The following REN variants were observed in gnomAD, a reference collection of about 807,000 sequenced individuals.
The protein encoded by REN is angiotensin-forming enzyme.
Under a neutral mutation model 48.6 loss-of-function variants are expected in REN, and 42 were observed. That is an observed-to-expected ratio of 0.86 (90% CI 0.68 to 1.12). The LOEUF is 1.12. Among genes scored for constraint, REN ranks in the 50% most tolerant of loss-of-function variants. REN has a pLI of 0.00. For synonymous variants in REN, 196 were observed against 204.6 expected (o/e 0.96, Z 0.36); for missense variants, 443 against 527.3 (o/e 0.84, Z 1.57).
At chr1:204,157,133 G>C (rs1658164436) in intron 6 of REN, among the ~76,000 whole-genome samples, 1 of 152,308 alleles carries the variant, frequency 6.6e-6, no homozygotes, top group Middle Eastern at 3.4e-3. Context: ...CTCACTCTTG[G>C]GTTGCTGCTG....
At chr1:204,159,687 A>ATGTGTG in intron 4 of REN, 92 bp from the exon 5 acceptor site, 1 of 1,078,552 alleles carries the variant, frequency 9.3e-7, no homozygotes, top group Non-Finnish European at 1.4e-6. Flanking sequence ...TCCCAGGGGC[A>ATGTGTG]CACATGCTCC....
intron 5 of REN, among the ~76,000 whole-genome samples, chr1:204,158,528 C>T (rs1364957588): frequency 2.0e-5 from 3 of 150,912 alleles, no homozygotes; most frequent in South Asian, 2.1e-4. Context: ...GCGATCCTCT[C>T]GCCTTGGCCT....
At position 204,156,153 on chromosome 1, in the gene REN, G is replaced by A. The variant is rs761311426; in HGVS notation, c.960+25C>T. On this transcript the variant is annotated intron_variant, in intron 8 of 9. Coordinates refer to ENST00000272190, the MANE Select transcript of REN (RefSeq NM_000537.4). This position sits in a 1 kb window ranked among gnomAD's most constrained non-coding sequence, Gnocchi z 4.2. ...CCAGGTGGCGCTCCCCCCACCCACA[G>A]CACCTTCCCTCTTTGGCTTCTTACA... The A allele has an allele frequency of 2.5e-5, 40 of 1,614,010 alleles. No individual in the cohort carries two copies. The South Asian group carries it at 4.1e-4, about 16-fold the overall frequency.
rs566340707 is a variant in REN, at chr1:204,161,943, G to A, written c.249+70C>T. The A allele has an allele frequency of 5.7e-5, 91 of 1,585,540 alleles. No homozygotes were observed. In the South Asian group the frequency reaches 9.6e-4, roughly 17 times the overall value. On this transcript the variant is annotated intron_variant, in intron 2 of 9. Transcript: ENST00000272190. ...CAGCTTGGAAAGGGTGAGTCTTGCA[G>A]CAAAGAAAGCCCTAGGTCCATGAGG...
chr1:204,161,259 T>TGGA (rs754253666), intron 3 of REN, 33 bp downstream of exon 3: 124 of 1,564,308 alleles, frequency 7.9e-5, no homozygotes, highest in Middle Eastern at 1.7e-4. Flanking sequence ...GGCAGGGGGA[T>TGGA]GGAGGAGAGG....
chr1:204,165,359 T>C (rs1366460357), intron 1 of REN, among the ~76,000 whole-genome samples: 1 of 152,196 alleles, frequency 6.6e-6, no homozygotes, highest in Non-Finnish European at 1.5e-5. Context: ...CTATGCCTTA[T>C]CTCCTAAAAT....
At position 204,156,373 on chromosome 1, in the gene REN, G is replaced by A. The variant is rs1302341081; in HGVS notation, c.819-54C>T. Reference sequence around the variant, plus strand: ...ACAGACAGACAGACAGAAGGCTGATGGGGCACCTCCAGGCTGCATGTCCTT... The same window carrying A: ...ACAGACAGACAGACAGAAGGCTGATAGGGCACCTCCAGGCTGCATGTCCTT... On this transcript the variant is annotated intron_variant, in intron 7 of 9. Transcript: ENST00000272190. This position sits in a 1 kb window ranked among gnomAD's most constrained non-coding sequence, Gnocchi z 4.2. 3.6e-6 allele frequency: 5 copies of A among 1,401,510 alleles called. No individual in the cohort carries two copies. Among genetic ancestry groups the A allele is most frequent in the Non-Finnish European group, 3.9e-6 (4 of 1,020,676 alleles). 86.8% of individuals were successfully genotyped at this position (1,401,510 alleles called of 1,614,324 possible). A position where few individuals can be genotyped will look rare whatever the true frequency, so the allele number is the denominator to read the frequency against.
Position 204,155,923 on chromosome 1 carries a change from G to A in REN, c.961-5C>T, listed in dbSNP as rs186717113. The A allele has an allele frequency of 1.2e-6, 2 of 1,610,714 alleles. No homozygotes were observed. The highest frequency in any genetic ancestry group is 2.7e-5 in the African/African-American group (2 of 74,840). ...CTCGTTACACTTCACGACATACTGG[G>A]GTGGGGGGCAAAGAGAGCCTTCTTG... On this transcript the variant is annotated splice_polypyrimidine_tract_variant and splice_region_variant and intron_variant, in intron 8 of 9. Coordinates refer to ENST00000272190, the MANE Select transcript of REN (RefSeq NM_000537.4).
Position 204,159,482 on chromosome 1 carries a change from G to A in REN, c.606C>T (p.Ala202=), listed in dbSNP as rs779774906. ...CGAAGATAGGGGTGACCCTGCCAAT[G>A]GCCTGTTCAATGAAGCCCATGCCCA... ...GVVGMGFIEQ[A]IGRVTPIFDN... is the part of the protein sequence containing the mutation. The change falls in exon 5 of 10, where the codon GCC becomes GCT. Residue 202 remains alanine, a synonymous_variant. Transcript: ENST00000272190. The A allele has an allele frequency of 3.7e-6, 6 of 1,614,034 alleles. No individual in the cohort carries two copies. The highest frequency in any genetic ancestry group is 1.3e-5 in the African/African-American group (1 of 74,912).
At chr1:204,161,694 G>T (rs889426101) in intron 2 of REN, among the ~76,000 whole-genome samples, 5 of 152,100 alleles carry the variant, frequency 3.3e-5, no homozygotes, top group African/African-American at 1.2e-4. Context: ...GGGGCAGGAA[G>T]CCATCAGGTT....
chr1:204,161,104 A>G (rs540716377), intron 3 of REN, among the ~76,000 whole-genome samples, 188 bp downstream of exon 3: 9 of 151,642 alleles, frequency 5.9e-5, no homozygotes, highest in African/African-American at 2.2e-4. Flanking sequence ...TTTGTTTTTA[A>G]CCTTGGTGGC....
intron 1 of REN, 110 bp downstream of exon 1, chr1:204,166,086 T>C: frequency 1.1e-6 from 1 of 884,398 alleles, no homozygotes. Flanking sequence ...TACTTCCCTG[T>C]CCAGCTGATC....
intron 6 of REN, 102 bp downstream of exon 6, chr1:204,157,259 G>T: frequency 6.7e-7 from 1 of 1,482,568 alleles, no homozygotes; most frequent in Admixed American, 1.7e-5. Context: ...CGGAGGCTGG[G>T]CTTGCTGATG....
rs1238980420 is a variant in REN at position 204,156,208 on chromosome 1, C to G, written c.930G>C (p.Glu310Asp). ...GSTSSIEKLM[E>D]ALGAKKRLFD... is the part of the protein sequence containing the mutation. ...ACAGCCTCTTCTTGGCTCCCAAGGC[C>G]TCCATGAGCTTCTCTATGGAGCTGG... is the stretch of plus-strand genomic sequence containing the variant. Residue 310 changes from glutamate (E) to aspartate (D), a missense_variant, in exon 8 of 10, where the codon GAG becomes GAC. Physicochemically the swap from Glu to Asp is conservative, Grantham distance 45 (BLOSUM62 2). Coordinates refer to ENST00000272190, the MANE Select transcript of REN (RefSeq NM_000537.4). The surrounding 1 kb of genome is among the most constrained non-coding windows in gnomAD (Gnocchi z 4.2). 6.2e-7 allele frequency: 1 copy of G among 1,614,260 alleles called. No individual in the cohort carries two copies. The highest frequency in any genetic ancestry group is 1.3e-5 in the African/African-American group (1 of 75,066).
chr1:204,155,080 A>G lies in REN; in HGVS notation c.1157T>C (p.Ile386Thr), dbSNP rs759852484. 12 of 1,613,932 alleles carry G rather than the reference A, an allele frequency of 7.4e-6. No homozygotes were observed. The highest frequency in any genetic ancestry group is 3.3e-5 in the Admixed American group (2 of 60,006). Residue 386 changes from isoleucine to threonine, a missense_variant, in exon 10 of 10, where the codon ATC becomes ACC. By Grantham distance (89) the Ile-to-Thr change is moderately conservative (BLOSUM62 -1). Transcript: ENST00000272190. ...GPTWALGATF[I>T]RKFYTEFDRR... is the part of the protein sequence containing the mutation. ...ATCAAACTCTGTGTAGAACTTTCGG[A>G]TGAAGGTGGCCCCCAGGGCCCAGGT...
intron 5 of REN, among the ~76,000 whole-genome samples, chr1:204,158,867 C>A (rs1056756013): frequency 3.9e-5 from 6 of 152,202 alleles, no homozygotes; most frequent in Non-Finnish European, 8.8e-5. Flanking sequence ...GCTGCACCCC[C>A]AGAGCCTACC....
In REN at chr1:204,162,311, C is replaced by T; in HGVS notation, c.99-148G>A. 6.0e-6 allele frequency: 5 copies of T among 827,680 alleles called. No individual in the cohort carries two copies. In the South Asian group the frequency reaches 7.6e-5, roughly 13 times the overall value. 51.3% of individuals were successfully genotyped at this position (827,680 alleles called of 1,614,324 possible). On this transcript the variant is annotated intron_variant, in intron 1 of 9. Transcript: ENST00000272190. ...AAATCACCTCTGTCGCTGAGGGCCT[C>T]TGGAGCATTTATAAGAGTTACTTCT...
In REN at chr1:204,154,882, G is replaced by T; in HGVS notation, c.*134C>A. 1 of 997,436 alleles carries T rather than the reference G, an allele frequency of 1.0e-6. No homozygotes were observed. Among genetic ancestry groups the T allele is most frequent in the Non-Finnish European group, 1.5e-6 (1 of 652,810 alleles). The allele number at this position is 997,436 out of a possible 1,614,324, so 61.8% of individuals were successfully genotyped here. A position where few individuals can be genotyped will look rare whatever the true frequency, so the allele number is the denominator to read the frequency against. ...AGGGAAGGGCTGGTGCAGGGGTCAG[G>T]GCACGCATCCAGCAGGAGCTCCACA... On this transcript the variant is annotated 3_prime_UTR_variant, in exon 10 of 10. Transcript: ENST00000272190.
At chr1:204,165,598 CT>C (rs201481443) in intron 1 of REN, among the ~76,000 whole-genome samples, 21,414 of 146,186 alleles carry the variant, frequency 0.15, 1,566 homozygotes, top group Middle Eastern at 0.21. Context: ...CGACCCCCGT[CT>C]TTTTTTTTTT....
Sources: allele counts gnomAD v4.1 joint callset (sites outside exome capture counted in the v4.1 genomes callset), GRCh38; gene constraint gnomAD v4.1.1; non-coding constraint Gnocchi (gnomAD v3.1); transcripts MANE v1.5; gene names NCBI Gene and HGNC (gene_info 2026-07-23, HGNC 2026-07-21).